Variants in KCNH8 observed in about 807,000 individuals in gnomAD.
KCNH8 encodes the protein voltage-gated delayed rectifier potassium channel KCNH8.
A neutral mutation model predicts 103.6 loss-of-function variants in KCNH8; 70 were observed. That is an observed-to-expected ratio of 0.68 (90% CI 0.56 to 0.82). The LOEUF is 0.82. Ranked by LOEUF, KCNH8 falls within the 40% of genes least tolerant of loss-of-function variation. The probability of loss-of-function intolerance (pLI) is 0.00; values close to 1 mark genes in which losing one functional copy is unlikely to be tolerated. For missense variants in KCNH8, 1,217 were observed against 1,329.9 expected, an observed-to-expected ratio of 0.92 and a Z score of 1.32; for synonymous variants, 498 against 489.4, an observed-to-expected ratio of 1.02 and a Z score of -0.23.
intron 1 of KCNH8, among the ~76,000 whole-genome samples, chr3:19,199,503 T>C (rs2063634926): frequency 2.6e-5 from 4 of 151,442 alleles, no homozygotes; most frequent in Admixed American, 2.6e-4. Flanking sequence ...ATTCATGTAA[T>C]TCATGAAGCA....
At chr3:19,497,973 A>G (rs1265312920) in intron 11 of KCNH8, among the ~76,000 whole-genome samples, 1 of 151,314 alleles carries the variant, frequency 6.6e-6, no homozygotes, top group Non-Finnish European at 1.5e-5. Context: ...GTTGAATTAA[A>G]CTCTTTACCA....
chr3:19,362,346 C>T (rs2065958243), intron 5 of KCNH8, among the ~76,000 whole-genome samples: 2 of 152,034 alleles, frequency 1.3e-5, no homozygotes, highest in African/African-American at 2.4e-5. Context: ...AATTGTGGGG[C>T]AGTGACTAGG....
At chr3:19,485,795 GT>G (rs1394367290) in intron 11 of KCNH8, among the ~76,000 whole-genome samples, 1 of 152,158 alleles carries the variant, frequency 6.6e-6, no homozygotes, top group Non-Finnish European at 1.5e-5. Flanking sequence ...GCTCGCTGGT[GT>G]CCCCTGTAGT....
chr3:19,340,072 G>T (rs1205258933), intron 3 of KCNH8, among the ~76,000 whole-genome samples: 1 of 151,976 alleles, frequency 6.6e-6, no homozygotes, highest in African/African-American at 2.4e-5. Context: ...TCTGTAAATG[G>T]AGAATAATAA....
intron 5 of KCNH8, among the ~76,000 whole-genome samples, chr3:19,376,474 A>T (rs1454473023): frequency 6.6e-6 from 1 of 151,962 alleles, no homozygotes; most frequent in Non-Finnish European, 1.5e-5. Flanking sequence ...CGGTGCGCGC[A>T]CCCACTGACC....
chr3:19,464,669 A>G (rs2067699613), intron 11 of KCNH8, among the ~76,000 whole-genome samples: 1 of 152,150 alleles, frequency 6.6e-6, no homozygotes, highest in Non-Finnish European at 1.5e-5. Flanking sequence ...AAACTCCTAA[A>G]AATAAGTAAG....
intron 1 of KCNH8, among the ~76,000 whole-genome samples, chr3:19,211,726 A>G (rs2063773471): frequency 6.6e-6 from 1 of 152,152 alleles, no homozygotes; most frequent in Non-Finnish European, 1.5e-5. Context: ...CGGTAACTAT[A>G]ATAAAATTGA....
intron 1 of KCNH8, among the ~76,000 whole-genome samples, chr3:19,232,598 T>C (rs750948969): frequency 5.9e-5 from 9 of 152,176 alleles, no homozygotes; most frequent in Non-Finnish European, 8.8e-5. Context: ...GGAAAAAGAA[T>C]CTCCTTGAGT....
At chr3:19,198,345 T>C (rs1345117936) in intron 1 of KCNH8, among the ~76,000 whole-genome samples, 1 of 151,812 alleles carries the variant, frequency 6.6e-6, no homozygotes, top group Non-Finnish European at 1.5e-5. Flanking sequence ...GTGGTAAAAA[T>C]GGGGTATTAT....
At chr3:19,495,512 T>C (rs2125227761) in intron 11 of KCNH8, among the ~76,000 whole-genome samples, 1 of 152,260 alleles carries the variant, frequency 6.6e-6, no homozygotes, top group East Asian at 1.9e-4. Context: ...ATCAGATAGT[T>C]GTAGGTGTGC....
chr3:19,247,088 C>G (rs2064216155), intron 1 of KCNH8, among the ~76,000 whole-genome samples: 1 of 152,140 alleles, frequency 6.6e-6, no homozygotes, highest in African/African-American at 2.4e-5. Context: ...TTTAAAAAAT[C>G]AAACCATAAA....
At chr3:19,502,822 C>A (rs1363522183) in intron 11 of KCNH8, among the ~76,000 whole-genome samples, 1 of 149,752 alleles carries the variant, frequency 6.7e-6, no homozygotes, top group Admixed American at 6.7e-5. Context: ...ACCATAAAAA[C>A]CCTAGAAGAA....
intron 1 of KCNH8, among the ~76,000 whole-genome samples, chr3:19,233,065 C>CA (rs2064015536): frequency 1.2e-5 from 1 of 81,928 alleles, no homozygotes; most frequent in African/African-American, 5.9e-5. Flanking sequence ...TATTCCTCCC[C>CA]CCCCCCACCC....
intron 1 of KCNH8, among the ~76,000 whole-genome samples, chr3:19,252,829 G>T (rs2064296535): frequency 6.6e-6 from 1 of 152,066 alleles, no homozygotes; most frequent in African/African-American, 2.4e-5. Flanking sequence ...TAGCATACCT[G>T]TCATTGCCCA....
At chr3:19,285,217 ATATAT>A (rs1174940882) in intron 3 of KCNH8, among the ~76,000 whole-genome samples, 2 of 152,058 alleles carry the variant, frequency 1.3e-5, no homozygotes, top group East Asian at 1.9e-4. Context: ...TGGATTAATA[ATATAT>A]TAAGTAATTC....
intron 3 of KCNH8, among the ~76,000 whole-genome samples, chr3:19,315,297 A>G (rs927225076): frequency 2.6e-5 from 4 of 151,992 alleles, no homozygotes; most frequent in African/African-American, 7.2e-5. Context: ...AGGATACCCT[A>G]CAGTCAAAAA....
chr3:19,281,434 T>C (rs2064755963), intron 3 of KCNH8, 105 bp downstream of exon 3: 2 of 988,106 alleles, frequency 2.0e-6, no homozygotes, highest in South Asian at 1.7e-5. Context: ...CAGCAACTGA[T>C]AAATATTCGT....
intron 1 of KCNH8, among the ~76,000 whole-genome samples, chr3:19,193,284 T>C (rs2063570641): frequency 6.6e-6 from 1 of 151,720 alleles, no homozygotes; most frequent in Non-Finnish European, 1.5e-5. Context: ...GAATTGACTA[T>C]GAATGTAAAT....
At chr3:19,444,765 A>G (rs952588109) in intron 8 of KCNH8, among the ~76,000 whole-genome samples, 1 of 152,076 alleles carries the variant, frequency 6.6e-6, no homozygotes, top group East Asian at 1.9e-4. Context: ...GTCATTAATC[A>G]GTAACATGCA....
Sources: gnomAD v4.1 joint callset for allele counts (sites outside exome capture counted in the v4.1 genomes callset) on GRCh38, gnomAD v4.1.1 for gene constraint, MANE v1.5 for transcripts, NCBI Gene and HGNC (gene_info 2026-07-23, HGNC 2026-07-21) for gene names.